The following CNOT1 variants were observed in gnomAD, a reference collection of about 807,000 sequenced individuals.
CNOT1 encodes the protein CCR4-associated factor 1.
A neutral mutation model predicts 273.8 loss-of-function variants in CNOT1; 15 were observed. The observed-to-expected ratio is 0.05, with a 90% confidence interval of 0.04 to 0.08. The LOEUF (loss-of-function observed/expected upper bound fraction) is 0.08, where lower values mean the gene tolerates loss of function less well. Among genes scored for constraint, CNOT1 ranks in the 10% least tolerant of loss-of-function variants. The pLI is 1.00. For synonymous variants in CNOT1, 1,022 were observed against 1,005.5 expected (o/e 1.02, Z -0.31); for missense variants, 1,644 against 2,912.2 (o/e 0.56, Z 10.02).
chr16:58,535,376 G>A (rs1311964881), intron 39 of CNOT1, among the ~76,000 whole-genome samples: 1 of 152,174 alleles, frequency 6.6e-6, no homozygotes, highest in South Asian at 2.1e-4. Flanking sequence ...GGAATATTAG[G>A]ACTGAGTACT....
chr16:58,525,338 G>A lies in CNOT1; in HGVS notation c.6625C>T (p.Arg2209Cys), dbSNP rs1013869212. ...GCATTGATGAGCTGGAGGTTGTAGC[G>A]ATTCCCAGGTTCATTGGATACCTTA... ...NLQVSNEPGN[R>C]YNLQLINALV... Residue 2209 changes from arginine to cysteine, a missense_variant, in exon 46 of 49, where the codon CGC becomes TGC. Physicochemically the swap from Arg to Cys is radical, Grantham distance 180. Around this residue, in one of 13 missense-constraint regions of CNOT1, gnomAD observed 140 missense variants for 324.6 expected, o/e 0.43. Transcript: ENST00000317147. 3 of 1,613,414 alleles carry A rather than the reference G, an allele frequency of 1.9e-6. No individual in the cohort carries two copies. Among genetic ancestry groups the A allele is most frequent in the East Asian group, 2.2e-5 (1 of 44,886 alleles).
At chr16:58,555,656 A>G in intron 20 of CNOT1, 119 bp from the exon 21 acceptor site, 2 of 1,540,860 alleles carry the variant, frequency 1.3e-6, no homozygotes, top group Non-Finnish European at 1.7e-6. Flanking sequence ...CTTGAGACAA[A>G]TATTAAGGTT....
chr16:58,550,590 G>A (rs909724321), intron 24 of CNOT1, among the ~76,000 whole-genome samples: 4 of 152,094 alleles, frequency 2.6e-5, no homozygotes, highest in South Asian at 2.1e-4. Flanking sequence ...TAAGATAGGT[G>A]TTAATCAACT....
chr16:58,573,677 T>A (rs1158238995), intron 16 of CNOT1, among the ~76,000 whole-genome samples: 1 of 151,816 alleles, frequency 6.6e-6, no homozygotes, highest in Non-Finnish European at 1.5e-5. Context: ...GAGACAGGGT[T>A]TCACCGTGTT....
At position 58,622,673 on chromosome 16, in the gene CNOT1, C is replaced by A. The variant is rs113637914; in HGVS notation, c.-175+7055G>T. 2.7e-3 allele frequency among the ~76,000 whole-genome samples: 410 copies of A among 150,832 alleles called. 2 individuals carry two copies. Among genetic ancestry groups the A allele is most frequent in the African/African-American group, 9.4e-3 (386 of 41,124 alleles). ...ACCAGCCTGGCGAACATGGTGAAAC[C>A]CTGTCTCTACTAAAAATACAAAAAT... On this transcript the variant is annotated intron_variant, in intron 1 of 48. Coordinates refer to ENST00000317147, the MANE Select transcript of CNOT1 (RefSeq NM_016284.5).
chr16:58,565,746 G>C (rs1361870240), intron 16 of CNOT1, among the ~76,000 whole-genome samples: 1 of 152,050 alleles, frequency 6.6e-6, no homozygotes, highest in East Asian at 1.9e-4. Context: ...AAGTTCAAGA[G>C]CAGCCTGGCC....
At chr16:58,561,563 T>C (rs1447811257) in intron 16 of CNOT1, among the ~76,000 whole-genome samples, 1 of 152,168 alleles carries the variant, frequency 6.6e-6, no homozygotes, top group Non-Finnish European at 1.5e-5. Flanking sequence ...AGGGTAAATG[T>C]TTACTTGACA....
At chr16:58,617,524 T>A (rs1202204573) in intron 1 of CNOT1, among the ~76,000 whole-genome samples, 1 of 152,158 alleles carries the variant, frequency 6.6e-6, no homozygotes, top group Non-Finnish European at 1.5e-5. Flanking sequence ...TGGTGCATAT[T>A]GGTAAGTACA....
chr16:58,573,805 T>C (rs1017219281), intron 16 of CNOT1, among the ~76,000 whole-genome samples: 7 of 151,942 alleles, frequency 4.6e-5, no homozygotes, highest in African/African-American at 1.5e-4. Flanking sequence ...TTAAACTTTT[T>C]AGGAAAATTC....
At position 58,586,526 on chromosome 16, in the gene CNOT1, G is replaced by C; in HGVS notation, c.637+19C>G. ...CATCCAAGAAAACCACCCACTGTAG[G>C]CTACAAAGACTCCCTTACCTCTGCG... On this transcript the variant is annotated intron_variant, in intron 7 of 48. Transcript: ENST00000317147. The C allele has an allele frequency of 2.5e-6, 4 of 1,605,528 alleles. No homozygotes were observed. Among genetic ancestry groups the C allele is most frequent in the East Asian group, 2.2e-5 (1 of 44,622 alleles).
intron 1 of CNOT1, among the ~76,000 whole-genome samples, chr16:58,617,327 C>T (rs2043126695): frequency 6.6e-6 from 1 of 151,966 alleles, no homozygotes; most frequent in South Asian, 2.1e-4. Flanking sequence ...CACCACTGCA[C>T]TCCAACCCGG....
Position 58,539,764 on chromosome 16 carries a change from C to T in CNOT1, c.4992+4G>A. 6.2e-7 allele frequency: 1 copy of T among 1,607,274 alleles called. No individual in the cohort carries two copies. Among genetic ancestry groups the T allele is most frequent in the South Asian group, 1.1e-5 (1 of 90,058 alleles). On this transcript the variant is annotated splice_donor_region_variant and intron_variant, in intron 35 of 48. Transcript: ENST00000317147. ...TTTCTAAAAGTAATAGCTTAAGAAC[C>T]AACCTTTTGGAGCAATCCAAGAGCA...
chr16:58,595,521 A>C (rs2042223667), intron 2 of CNOT1, among the ~76,000 whole-genome samples: 1 of 152,154 alleles, frequency 6.6e-6, no homozygotes, highest in Admixed American at 6.6e-5. Context: ...GGGAAAGATT[A>C]AGATATATTT....
intron 2 of CNOT1, among the ~76,000 whole-genome samples, chr16:58,592,048 T>C (rs538019684): frequency 2.0e-5 from 3 of 152,320 alleles, no homozygotes; most frequent in Non-Finnish European, 4.4e-5. Flanking sequence ...TAATTTTTCA[T>C]ATATTAAGAT....
intron 16 of CNOT1, among the ~76,000 whole-genome samples, chr16:58,560,584 G>A (rs543773782): frequency 1.2e-4 from 19 of 152,146 alleles, no homozygotes; most frequent in African/African-American, 4.1e-4. Flanking sequence ...TTCTAATAAA[G>A]AAACTTTGTT....
Position 58,585,407 on chromosome 16 carries a change from A to G in CNOT1, c.737T>C (p.Val246Ala), listed in dbSNP as rs144347520. ...AGAGCTCTCCATCATGGTTTTAGCT[A>G]CCCCTCCGGAATCAGGCAGGATCCT... Reference protein sequence around the residue: ...MDRILPDSGGVAKTMMESSLA... With the variant: ...MDRILPDSGGAAKTMMESSLA... Residue 246 changes from valine (V) to alanine (A), a missense_variant, in exon 8 of 49, where the codon GTA becomes GCA. Physicochemically the swap from Val to Ala is moderately conservative, Grantham distance 64 (BLOSUM62 0). Around this residue, in one of 13 missense-constraint regions of CNOT1, gnomAD observed 706 missense variants for 1,021.2 expected, o/e 0.69. Coordinates refer to ENST00000317147, the MANE Select transcript of CNOT1 (RefSeq NM_016284.5). 3 of 1,613,794 alleles carry G rather than the reference A, an allele frequency of 1.9e-6. No individual in the cohort carries two copies. Among genetic ancestry groups the G allele is most frequent in the Non-Finnish European group, 1.7e-6 (2 of 1,179,990 alleles).
rs900214151 is a variant in CNOT1, at chr16:58,607,988, A to G, written c.-174-8477T>C. 3.9e-5 allele frequency among the ~76,000 whole-genome samples: 6 copies of G among 151,938 alleles called. No individual in the cohort carries two copies. The East Asian group carries it at 7.7e-4, about 20-fold the overall frequency. The stretch of plus-strand genomic sequence containing the variant: ...GGAGTTTGAGACCAGCTTGGCCAAC[A>G]TAGTAAAACCCTGTCTCTACTAAAA... On this transcript the variant is annotated intron_variant, in intron 1 of 48. Coordinates refer to ENST00000317147, the MANE Select transcript of CNOT1 (RefSeq NM_016284.5).
rs368799416 is a variant in CNOT1, at chr16:58,616,386, G to T, written c.-175+13342C>A. Among the ~76,000 whole-genome samples, 76 of 150,256 alleles carry T rather than the reference G, an allele frequency of 5.1e-4. 2 individuals carry two copies. In the South Asian group the frequency reaches 0.015, roughly 29 times the overall value. On this transcript the variant is annotated intron_variant, in intron 1 of 48. Coordinates refer to ENST00000317147, the MANE Select transcript of CNOT1 (RefSeq NM_016284.5). ...CTCCCAAAGTGCTGGGATTACAGGCGTGAGCCACCACGCCCGGCCTACAAG... is the reference window on the plus strand; with the variant it reads ...CTCCCAAAGTGCTGGGATTACAGGCTTGAGCCACCACGCCCGGCCTACAAG...
chr16:58,542,098 C>T, intron 33 of CNOT1, 133 bp downstream of exon 33: 1 of 1,107,420 alleles, frequency 9.0e-7, no homozygotes, highest in Non-Finnish European at 1.3e-6. Context: ...CAGTGAAATG[C>T]TATCAAGTTA....
Sources: allele counts gnomAD v4.1 joint callset (sites outside exome capture counted in the v4.1 genomes callset), GRCh38; gene constraint gnomAD v4.1.1; regional missense constraint gnomAD v4.1.1; transcripts MANE v1.5; gene names NCBI Gene and HGNC (gene_info 2026-07-23, HGNC 2026-07-21).